The following CAMK1D variants were observed in gnomAD, a reference collection of about 807,000 sequenced individuals.
The protein encoded by CAMK1D is calcium/calmodulin-dependent protein kinase type 1D.
CAMK1D carries 9 observed loss-of-function variants against 47.7 expected under a neutral mutation model. The observed-to-expected ratio is 0.19, with a 90% CI of 0.11 to 0.33. The LOEUF (loss-of-function observed/expected upper bound fraction) is 0.33, where lower values mean the gene tolerates loss of function less well. Among genes scored for constraint, CAMK1D ranks in the 10% least tolerant of loss-of-function variants. The pLI, the probability that CAMK1D is intolerant of heterozygous loss-of-function variation, is 1.00. For missense variants in CAMK1D, 291 were observed against 488.7 expected, an observed-to-expected ratio of 0.60 and a Z score of 3.81; for synonymous variants, 184 against 184.9, an observed-to-expected ratio of 0.99 and a Z score of 0.04.
intron 1 of CAMK1D, among the ~76,000 whole-genome samples, chr10:12,395,284 C>T (rs1001257893): frequency 2.0e-5 from 3 of 151,508 alleles, no homozygotes; most frequent in Non-Finnish European, 4.4e-5. Flanking sequence ...AACCCTTGGC[C>T]TCAAGTGATC....
Position 12,508,702 on chromosome 10 carries a change from C to A in CAMK1D, c.93-44523C>A, listed in dbSNP as rs142877811. ...AAAAAGCAAACACATGGGTCTCCTC[C>A]CTTTCTCCCTCCCCAACTAAACTCC... On this transcript the variant is annotated intron_variant, in intron 1 of 10. Transcript: ENST00000619168. Among the ~76,000 whole-genome samples the A allele has an allele frequency of 4.3e-3, 653 of 152,246 alleles. 6 individuals carry two copies. Among genetic ancestry groups the A allele is most frequent in the Middle Eastern group, 6.8e-3 (2 of 294 alleles).
At chr10:12,719,306 C>T (rs1834278658) in intron 3 of CAMK1D, among the ~76,000 whole-genome samples, 1 of 151,858 alleles carries the variant, frequency 6.6e-6, no homozygotes, top group Admixed American at 6.6e-5. Context: ...ACTTGGGAGG[C>T]TGAGGCAGGA....
chr10:12,561,284 G>A (rs902768088), intron 2 of CAMK1D, among the ~76,000 whole-genome samples: 1 of 152,048 alleles, frequency 6.6e-6, no homozygotes, highest in African/African-American at 2.4e-5. Flanking sequence ...GCGGTGGTGT[G>A]CGTGGTTAAA....
At chr10:12,828,467 C>G (rs567036189) in intron 10 of CAMK1D, among the ~76,000 whole-genome samples, 1 of 152,024 alleles carries the variant, frequency 6.6e-6, no homozygotes, top group Non-Finnish European at 1.5e-5. Context: ...ATGGTGAAAC[C>G]CCATCTCTAC....
Position 12,511,446 on chromosome 10 carries a change from AT to A in CAMK1D, c.93-41778del, listed in dbSNP as rs568733906. 2.2e-3 allele frequency among the ~76,000 whole-genome samples: 332 copies of A among 152,272 alleles called. 1 individual carries two copies. Among genetic ancestry groups the A allele is most frequent in the Non-Finnish European group, 3.3e-3 (223 of 68,026 alleles). ...AGAGACCCTGTCTCTACAAAAAAAA[AT>A]AATAAATAAACAAATTGGTCAGGTG... On this transcript the variant is annotated intron_variant, in intron 1 of 10. Coordinates refer to ENST00000619168, the MANE Select transcript of CAMK1D (RefSeq NM_153498.4).
intron 1 of CAMK1D, among the ~76,000 whole-genome samples, chr10:12,514,556 A>G (rs1005603864): frequency 2.0e-5 from 3 of 152,244 alleles, no homozygotes; most frequent in Non-Finnish European, 4.4e-5. Context: ...CCTAAAGTCA[A>G]GAAGTATGTG....
intron 2 of CAMK1D, among the ~76,000 whole-genome samples, chr10:12,597,657 G>T (rs1274918188): frequency 9.2e-5 from 14 of 152,164 alleles, no homozygotes; most frequent in Admixed American, 9.2e-4. Flanking sequence ...CCTGTGGATT[G>T]TAGCCTTCCT....
intron 3 of CAMK1D, among the ~76,000 whole-genome samples, chr10:12,758,734 G>A (rs1208733767): frequency 6.6e-6 from 1 of 152,184 alleles, no homozygotes; most frequent in Non-Finnish European, 1.5e-5. Context: ...GGTTTTGAGG[G>A]ACGCAGGTTG....
At chr10:12,556,536 G>C (rs1158024615) in intron 2 of CAMK1D, among the ~76,000 whole-genome samples, 1 of 152,182 alleles carries the variant, frequency 6.6e-6, no homozygotes, top group Non-Finnish European at 1.5e-5. Context: ...ATAGTTTGCA[G>C]GGTCAGAAAC....
In CAMK1D at chr10:12,501,228, A is replaced by C. The variant is rs551120139; in HGVS notation, c.93-51997A>C. On this transcript the variant is annotated intron_variant, in intron 1 of 10. Transcript: ENST00000619168. ...TAGTTTTCTTTTTCTTTTTCCTATA[A>C]ATAGTGCCCTGGGGGCAGAATTTAC... Among the ~76,000 whole-genome samples, 9 of 152,292 alleles carry C rather than the reference A, an allele frequency of 5.9e-5. No individual in the cohort carries two copies. In the South Asian group the frequency reaches 1.9e-3, roughly 32 times the overall value.
intron 2 of CAMK1D, among the ~76,000 whole-genome samples, chr10:12,564,741 T>G (rs1033078316): frequency 6.6e-6 from 1 of 152,210 alleles, no homozygotes; most frequent in Non-Finnish European, 1.5e-5. Flanking sequence ...AAGTAGGAGG[T>G]ATCACTTGGG....
intron 2 of CAMK1D, among the ~76,000 whole-genome samples, chr10:12,612,335 A>C (rs116509706): frequency 7.1e-6 from 1 of 141,398 alleles, no homozygotes; most frequent in African/African-American, 2.6e-5. Flanking sequence ...TAATTAATTA[A>C]TTACTTTTTT....
intron 1 of CAMK1D, among the ~76,000 whole-genome samples, chr10:12,547,180 A>G (rs1279391846): frequency 1.3e-5 from 2 of 152,252 alleles, no homozygotes; most frequent in Non-Finnish European, 2.9e-5. Context: ...ACGATGCTGT[A>G]GAACCAAGAA....
intron 3 of CAMK1D, among the ~76,000 whole-genome samples, chr10:12,719,219 C>A (rs1834276243): frequency 6.6e-6 from 1 of 151,942 alleles, no homozygotes; most frequent in Non-Finnish European, 1.5e-5. Flanking sequence ...CCAGCCTGGC[C>A]AACATGATGA....
chr10:12,356,948 G>A (rs1208009375), intron 1 of CAMK1D, among the ~76,000 whole-genome samples: 1 of 152,010 alleles, frequency 6.6e-6, no homozygotes, highest in Admixed American at 6.6e-5. Context: ...CTCAGGGGAG[G>A]ATTTCAAGGG....
chr10:12,436,350 C>T (rs1288477171), intron 1 of CAMK1D, among the ~76,000 whole-genome samples: 3 of 152,174 alleles, frequency 2.0e-5, no homozygotes, highest in Non-Finnish European at 4.4e-5. Flanking sequence ...AAGCCACATG[C>T]CCCCTCTCAG....
chr10:12,560,824 TGACACATAGG>T (rs1836916447), intron 2 of CAMK1D, among the ~76,000 whole-genome samples: 1 of 152,052 alleles, frequency 6.6e-6, no homozygotes, highest in Admixed American at 6.6e-5. Context: ...TTACTTATGA[TGACACATAGG>T]GAGGCAGGTG....
chr10:12,547,705 T>C (rs933298230), intron 1 of CAMK1D, among the ~76,000 whole-genome samples: 2 of 102,244 alleles, frequency 2.0e-5, no homozygotes, highest in African/African-American at 4.2e-5. Context: ...CACACACCAC[T>C]GTGTTATGTA....
At chr10:12,727,527 C>T (rs1379519176) in intron 3 of CAMK1D, among the ~76,000 whole-genome samples, 1 of 152,208 alleles carries the variant, frequency 6.6e-6, no homozygotes, top group Non-Finnish European at 1.5e-5. Context: ...GATGATAAAA[C>T]ATTCAGAGGC....
Sources: gnomAD v4.1 joint callset for allele counts (sites outside exome capture counted in the v4.1 genomes callset) on GRCh38, gnomAD v4.1.1 for gene constraint, MANE v1.5 for transcripts, NCBI Gene and HGNC (gene_info 2026-07-23, HGNC 2026-07-21) for gene names.